SCUBE1: variants seen among roughly 807,000 people sequenced by gnomAD.
SCUBE1 encodes signal peptide, CUB and EGF-like domain-containing protein 1.
In SCUBE1, 59 loss-of-function variants were observed where a neutral mutation model predicts 124.4. The ratio of observed to expected loss-of-function variants is 0.47; its 90% CI spans 0.38 to 0.59. The LOEUF (loss-of-function observed/expected upper bound fraction) is 0.59. Among genes scored for constraint, SCUBE1 ranks in the 20% least tolerant of loss-of-function variants. The pLI is 0.00. For synonymous variants in SCUBE1, 545 were observed against 550.9 expected (o/e 0.99, Z 0.15); for missense variants, 1,150 against 1,371.2 (o/e 0.84, Z 2.55).
intron 1 of SCUBE1, among the ~76,000 whole-genome samples, chr22:43,340,844 A>G (rs1369839299): frequency 6.6e-6 from 1 of 152,142 alleles, no homozygotes; most frequent in Non-Finnish European, 1.5e-5. Context: ...CCCCAGGGGT[A>G]AGCTTGGAAT....
At chr22:43,332,491 C>T (rs1926933959) in intron 2 of SCUBE1, among the ~76,000 whole-genome samples, 1 of 152,134 alleles carries the variant, frequency 6.6e-6, no homozygotes, top group African/African-American at 2.4e-5. Context: ...CTCCATAGTG[C>T]AGGAGCCTCC....
chr22:43,314,622 T>G (rs900767279), intron 3 of SCUBE1, among the ~76,000 whole-genome samples: 11 of 152,150 alleles, frequency 7.2e-5, no homozygotes, highest in Admixed American at 2.6e-4. Flanking sequence ...CCTATCAGAC[T>G]ACACTTAGGC....
intron 3 of SCUBE1, among the ~76,000 whole-genome samples, chr22:43,313,985 G>A (rs1194270070): frequency 6.6e-6 from 1 of 152,206 alleles, no homozygotes; most frequent in African/African-American, 2.4e-5. Context: ...AGAGAGGAAT[G>A]TTACAACTGG....
intron 3 of SCUBE1, among the ~76,000 whole-genome samples, chr22:43,294,819 C>T (rs1400556101): frequency 6.6e-6 from 1 of 152,190 alleles, no homozygotes; most frequent in Non-Finnish European, 1.5e-5. Flanking sequence ...AGAATCCCAG[C>T]CCACCCCCAA....
At chr22:43,305,298 A>G (rs1925926824) in intron 3 of SCUBE1, among the ~76,000 whole-genome samples, 1 of 152,128 alleles carries the variant, frequency 6.6e-6, no homozygotes, top group Admixed American at 6.5e-5. Context: ...TTTTCTCTGG[A>G]TTTCTCTGAG....
rs1349571810 is a variant in SCUBE1, at chr22:43,264,246, G to A, written c.485-1401C>T. ...TGTGAATCTGGCTTCCTTCCTGGCT[G>A]TGGCCTGGGAGACAACTGCTTCCCT... On this transcript the variant is annotated intron_variant, in intron 4 of 21. Coordinates refer to ENST00000360835, the MANE Select transcript of SCUBE1 (RefSeq NM_173050.5). 2.6e-5 allele frequency among the ~76,000 whole-genome samples: 4 copies of A among 152,222 alleles called. No individual in the cohort carries two copies. In the East Asian group the frequency reaches 7.7e-4, roughly 29 times the overall value.
chr22:43,268,020 C>G (rs573592833), intron 4 of SCUBE1, among the ~76,000 whole-genome samples: 13 of 152,212 alleles, frequency 8.5e-5, no homozygotes, highest in Non-Finnish European at 1.5e-4. Context: ...GACTCTACCC[C>G]CTCTGCTGTG....
At chr22:43,340,376 A>G (rs574551703) in intron 1 of SCUBE1, among the ~76,000 whole-genome samples, 3 of 152,186 alleles carry the variant, frequency 2.0e-5, no homozygotes, top group East Asian at 3.9e-4. Flanking sequence ...TGCCCCCAAC[A>G]CATATACACT....
chr22:43,291,033 A>G lies in SCUBE1; in HGVS notation c.484+13T>C. 6.3e-7 allele frequency: 1 copy of G among 1,594,830 alleles called. No homozygotes were observed. The highest frequency in any genetic ancestry group is 8.6e-7 in the Non-Finnish European group (1 of 1,167,338). ...GGGGGGGGACATGCCTGGTCAGCAT[A>G]GGCTGTACTCACCATTGGAGCGGTG... On this transcript the variant is annotated intron_variant, in intron 4 of 21. Transcript: ENST00000360835.
At chr22:43,280,221 G>A (rs917473980) in intron 4 of SCUBE1, among the ~76,000 whole-genome samples, 2 of 152,080 alleles carry the variant, frequency 1.3e-5, no homozygotes, top group Admixed American at 6.5e-5. Flanking sequence ...GACCTCCAGC[G>A]TTCTGCGCTA....
Position 43,339,251 on chromosome 22 carries a change from T to TG in SCUBE1, c.89-17dup, listed in dbSNP as rs1452777541. 1.9e-6 allele frequency: 3 copies of TG among 1,611,660 alleles called. No homozygotes were observed. Among genetic ancestry groups the TG allele is most frequent in the African/African-American group, 2.7e-5 (2 of 74,802 alleles). On this transcript the variant is annotated splice_polypyrimidine_tract_variant and intron_variant, in intron 1 of 21. Coordinates refer to ENST00000360835, the MANE Select transcript of SCUBE1 (RefSeq NM_173050.5). ...TCGACTGACCCTGTGGGTAGGGGTG[T>TG]GGGGGGAATAAGAGGTAAGGTGTGG... is the stretch of plus-strand genomic sequence containing the variant.
At chr22:43,250,390 A>G (rs1411802024) in intron 6 of SCUBE1, among the ~76,000 whole-genome samples, 2 of 152,184 alleles carry the variant, frequency 1.3e-5, no homozygotes, top group East Asian at 1.9e-4. Context: ...GGGACAGGGA[A>G]GGCTCAGGGG....
chr22:43,251,454 T>C (rs966114811), intron 6 of SCUBE1, among the ~76,000 whole-genome samples: 2 of 152,184 alleles, frequency 1.3e-5, no homozygotes, highest in Non-Finnish European at 2.9e-5. Context: ...GCAGATGTGC[T>C]GAAGGACCAT....
At chr22:43,277,365 C>T (rs893821496) in intron 4 of SCUBE1, among the ~76,000 whole-genome samples, 3 of 152,142 alleles carry the variant, frequency 2.0e-5, no homozygotes, top group East Asian at 3.9e-4. Context: ...GTTCTGGCTG[C>T]TACCAGAAGG....
chr22:43,212,752 G>A (rs377191005), intron 16 of SCUBE1, 160 bp from the exon 17 acceptor site: 22 of 699,506 alleles, frequency 3.1e-5, no homozygotes, highest in Middle Eastern at 3.9e-4. Context: ...CGCAGCAGCC[G>A]GGGTGCAGGA....
chr22:43,329,383 G>C (rs974346993), intron 2 of SCUBE1, among the ~76,000 whole-genome samples: 4 of 152,246 alleles, frequency 2.6e-5, no homozygotes, highest in Non-Finnish European at 5.9e-5. Context: ...TGCCCACAGC[G>C]AGGGTCCCAG....
At chr22:43,284,775 C>T (rs1050425208) in intron 4 of SCUBE1, among the ~76,000 whole-genome samples, 5 of 152,128 alleles carry the variant, frequency 3.3e-5, no homozygotes, top group African/African-American at 1.2e-4. Context: ...TCGTCGTCGT[C>T]GTCGTCATCA....
intron 2 of SCUBE1, among the ~76,000 whole-genome samples, chr22:43,329,532 G>A (rs866512522): frequency 2.0e-5 from 3 of 152,266 alleles, no homozygotes; most frequent in Non-Finnish European, 4.4e-5. Flanking sequence ...CCCTCTGTAC[G>A]AGAGGCAGGA....
chr22:43,268,818 G>A (rs995442754), intron 4 of SCUBE1, among the ~76,000 whole-genome samples: 1 of 152,168 alleles, frequency 6.6e-6, no homozygotes, highest in African/African-American at 2.4e-5. Context: ...ATAGGGGAGC[G>A]ACACGCTTGT....
Sources: gnomAD v4.1 joint callset for allele counts (sites outside exome capture counted in the v4.1 genomes callset) on GRCh38, gnomAD v4.1.1 for gene constraint, MANE v1.5 for transcripts, NCBI Gene and HGNC (gene_info 2026-07-23, HGNC 2026-07-21) for gene names.